Variants in NTNG1 observed in about 807,000 individuals in gnomAD.
NTNG1 encodes the protein netrin-G1.
Under a neutral mutation model 54.0 loss-of-function variants are expected in NTNG1, and 16 were observed. The observed-to-expected ratio is 0.30, with a 90% CI of 0.20 to 0.45. NTNG1 has a LOEUF of 0.45. Among genes scored for constraint, NTNG1 ranks in the 20% least tolerant of loss-of-function variants. The pLI is 1.00. For synonymous variants in NTNG1, 255 were observed against 263.1 expected (o/e 0.97, Z 0.30); for missense variants, 530 against 678.7 (o/e 0.78, Z 2.43).
Position 107,483,215 on chromosome 1 carries a change from T to C in NTNG1, c.*2375T>C, listed in dbSNP as rs1417431989. ...GGCAAAGATGCACTTTATCGTTATCTGCTCATGGCTTTGTCGCAACGCTCA... is the reference window on the plus strand; with the variant it reads ...GGCAAAGATGCACTTTATCGTTATCCGCTCATGGCTTTGTCGCAACGCTCA... On this transcript the variant is annotated 3_prime_UTR_variant, in exon 8 of 8. Transcript: ENST00000370068. The C allele has an allele frequency of 1.3e-5, 2 of 152,252 alleles. No homozygotes were observed. The highest frequency in any genetic ancestry group is 2.4e-5 in the African/African-American group (1 of 41,472). 9.4% of individuals were successfully genotyped at this position (152,252 alleles called of 1,614,324 possible).
chr1:107,387,087 A>T (rs1672053552), intron 3 of NTNG1, among the ~76,000 whole-genome samples: 1 of 152,174 alleles, frequency 6.6e-6, no homozygotes, highest in Admixed American at 6.5e-5. Flanking sequence ...CCATTTTCTA[A>T]TTGGGTTATT....
At chr1:107,451,111 T>TTC (rs1676598591) in intron 7 of NTNG1, among the ~76,000 whole-genome samples, 1 of 148,316 alleles carries the variant, frequency 6.7e-6, no homozygotes, top group Admixed American at 6.8e-5. Flanking sequence ...TTTCTTTCTT[T>TTC]TTTTTTTTTT....
At chr1:107,196,661 A>G (rs1658357315) in intron 2 of NTNG1, among the ~76,000 whole-genome samples, 1 of 152,022 alleles carries the variant, frequency 6.6e-6, no homozygotes, top group Non-Finnish European at 1.5e-5. Flanking sequence ...CCAGGCAAGA[A>G]CTGTTTGTCA....
intron 5 of NTNG1, among the ~76,000 whole-genome samples, chr1:107,426,111 C>T (rs1674894100): frequency 6.6e-6 from 1 of 151,958 alleles, no homozygotes; most frequent in Non-Finnish European, 1.5e-5. Context: ...AATACTTCTC[C>T]CATTCTGTAG....
chr1:107,318,013 A>T (rs1305265558), intron 2 of NTNG1, among the ~76,000 whole-genome samples: 2 of 152,250 alleles, frequency 1.3e-5, no homozygotes, highest in African/African-American at 4.8e-5. Flanking sequence ...TTGTCACAAC[A>T]GTTTCAGACT....
intron 6 of NTNG1, among the ~76,000 whole-genome samples, chr1:107,433,409 G>A (rs1231201811): frequency 6.6e-6 from 1 of 152,126 alleles, no homozygotes; most frequent in Non-Finnish European, 1.5e-5. Context: ...AGCTGAGCGT[G>A]GTGGCCTGTG....
intron 2 of NTNG1, among the ~76,000 whole-genome samples, chr1:107,284,445 G>T (rs980092724): frequency 3.3e-5 from 5 of 152,012 alleles, no homozygotes; most frequent in African/African-American, 1.2e-4. Context: ...TGCAATAATG[G>T]TATTTGGACT....
chr1:107,401,972 G>C (rs1050393626), intron 4 of NTNG1, among the ~76,000 whole-genome samples: 3 of 152,032 alleles, frequency 2.0e-5, no homozygotes, highest in Non-Finnish European at 4.4e-5. Context: ...CAGCCACGTA[G>C]TAAGCAGCAG....
At chr1:107,181,467 G>C (rs1657057931) in intron 2 of NTNG1, among the ~76,000 whole-genome samples, 1 of 136,570 alleles carries the variant, frequency 7.3e-6, no homozygotes, top group South Asian at 2.4e-4. Flanking sequence ...CTACTGAAAA[G>C]TCTTAAGTGT....
At chr1:107,399,582 A>C (rs993673857) in intron 4 of NTNG1, among the ~76,000 whole-genome samples, 58 of 152,278 alleles carry the variant, frequency 3.8e-4, no homozygotes, top group African/African-American at 1.3e-3. Flanking sequence ...TTATCCAGAC[A>C]ATTTCCTAAG....
chr1:107,330,649 A>G lies in NTNG1; in HGVS notation c.887+5727A>G, dbSNP rs192711570. Reference sequence around the variant, plus strand: ...ATTTAGCTAGTTATTTTGTTGTGCCATTTCAAGTAGTAGAAATTCAAGTAG... The same window carrying G: ...ATTTAGCTAGTTATTTTGTTGTGCCGTTTCAAGTAGTAGAAATTCAAGTAG... On this transcript the variant is annotated intron_variant, in intron 3 of 7. Transcript: ENST00000370068. Among the ~76,000 whole-genome samples the G allele has an allele frequency of 4.1e-4, 62 of 152,260 alleles. No homozygotes were observed. In the East Asian group the frequency reaches 0.011, roughly 27 times the overall value.
At chr1:107,462,634 G>T (rs997913695) in intron 7 of NTNG1, among the ~76,000 whole-genome samples, 1 of 152,152 alleles carries the variant, frequency 6.6e-6, no homozygotes, top group Non-Finnish European at 1.5e-5. Flanking sequence ...TCCCAAACAG[G>T]AAGCCAAACT....
intron 2 of NTNG1, among the ~76,000 whole-genome samples, chr1:107,161,512 T>C (rs1462311569): frequency 6.6e-6 from 1 of 151,690 alleles, no homozygotes; most frequent in African/African-American, 2.4e-5. Context: ...AATACAAAAA[T>C]TGGCCAGGTG....
intron 5 of NTNG1, among the ~76,000 whole-genome samples, chr1:107,425,472 T>C (rs1427766386): frequency 6.6e-6 from 1 of 152,118 alleles, no homozygotes; most frequent in Admixed American, 6.6e-5. Context: ...CTTAGGATAA[T>C]GGCCTGCAGC....
At chr1:107,449,518 TC>T (rs1374058833) in intron 7 of NTNG1, among the ~76,000 whole-genome samples, 7 of 152,064 alleles carry the variant, frequency 4.6e-5, no homozygotes, top group African/African-American at 1.7e-4. Context: ...AGTTTGCCAC[TC>T]CTAGTTAGAC....
intron 7 of NTNG1, among the ~76,000 whole-genome samples, chr1:107,442,543 G>T (rs2101427281): frequency 6.6e-6 from 1 of 152,244 alleles, no homozygotes; most frequent in South Asian, 2.1e-4. Flanking sequence ...CAAAAATGCA[G>T]ATGGTATAAG....
chr1:107,438,803 G>A (rs1675772533), intron 7 of NTNG1, among the ~76,000 whole-genome samples: 1 of 152,076 alleles, frequency 6.6e-6, no homozygotes, highest in Non-Finnish European at 1.5e-5. Flanking sequence ...TAAAAAATAT[G>A]GTGTTGCCAC....
intron 4 of NTNG1, among the ~76,000 whole-genome samples, chr1:107,397,983 C>A (rs1248052106): frequency 6.6e-6 from 1 of 152,076 alleles, no homozygotes; most frequent in East Asian, 1.9e-4. Flanking sequence ...GGTACACACA[C>A]ACACACACTC....
chr1:107,219,104 T>C (rs982442646), intron 2 of NTNG1, among the ~76,000 whole-genome samples: 1 of 146,034 alleles, frequency 6.8e-6, no homozygotes, highest in African/African-American at 2.5e-5. Flanking sequence ...TTTTTGTTCA[T>C]TGTTTTTAAA....
Sources: gnomAD v4.1 joint callset for allele counts (sites outside exome capture counted in the v4.1 genomes callset) on GRCh38, gnomAD v4.1.1 for gene constraint, MANE v1.5 for transcripts, NCBI Gene and HGNC (gene_info 2026-07-23, HGNC 2026-07-21) for gene names.